The following DCAF1 variants were observed in gnomAD, a reference collection of about 807,000 sequenced individuals.
DCAF1 encodes the protein DDB1- and CUL4-associated factor 1.
A neutral mutation model predicts 128.0 loss-of-function variants in DCAF1; 15 were observed. The observed-to-expected ratio is 0.12, with a 90% CI of 0.08 to 0.18. The LOEUF (loss-of-function observed/expected upper bound fraction) is 0.18, where lower values mean the gene tolerates loss of function less well. Among genes scored for constraint, DCAF1 ranks in the 10% least tolerant of loss-of-function variants. The probability of loss-of-function intolerance (pLI) is 1.00; values close to 1 mark genes in which losing one functional copy is unlikely to be tolerated. For missense variants in DCAF1, 988 were observed against 1,649.5 expected, an observed-to-expected ratio of 0.60 and a Z score of 6.95; for synonymous variants, 610 against 603.0, an observed-to-expected ratio of 1.01 and a Z score of -0.17.
At chr3:51,427,727 G>A (rs185121306) in intron 12 of DCAF1, among the ~76,000 whole-genome samples, 186 bp from the exon 13 acceptor site, 4 of 152,224 alleles carry the variant, frequency 2.6e-5, no homozygotes, top group Non-Finnish European at 4.4e-5. Flanking sequence ...CAATCTCCCA[G>A]GCTCAAGCTG....
At chr3:51,500,116 GAAAAAAAAAAAAAAAAAAAAAAA>G (rs55767863), upstream of DCAF1, 107 of 27,858 alleles carry the variant, frequency 3.8e-3, 1 homozygote, top group South Asian at 0.027. Context: ...CACGATCGGG[GAAAAAAAAAAAAAAAAAAAAAAA>G]AAAAAAAAAA....
intron 2 of DCAF1, among the ~76,000 whole-genome samples, chr3:51,488,474 G>A (rs921369287): frequency 6.6e-6 from 1 of 151,782 alleles, no homozygotes. Flanking sequence ...TCAGGAGTTC[G>A]AGACCAGCCT....
intron 3 of DCAF1, among the ~76,000 whole-genome samples, chr3:51,471,952 C>A (rs1210546392): frequency 6.6e-6 from 1 of 152,134 alleles, no homozygotes; most frequent in Non-Finnish European, 1.5e-5. Context: ...TGACTCACAT[C>A]ACTTCTCTAA....
chr3:51,494,558 T>G (rs1417250592), intron 2 of DCAF1, among the ~76,000 whole-genome samples: 2 of 152,162 alleles, frequency 1.3e-5, no homozygotes, highest in Non-Finnish European at 2.9e-5. Flanking sequence ...TTACCACAAT[T>G]TTTTAATGAG....
chr3:51,501,004 A>T (rs1217775399), upstream of DCAF1, among the ~76,000 whole-genome samples: 1 of 151,858 alleles, frequency 6.6e-6, no homozygotes, highest in Admixed American at 6.6e-5. Context: ...TTTTGTAGAG[A>T]CGAAGTCCCA....
intron 1 of DCAF1, among the ~76,000 whole-genome samples, chr3:51,498,381 A>G (rs944738428): frequency 6.6e-6 from 1 of 151,322 alleles, no homozygotes; most frequent in African/African-American, 2.4e-5. Flanking sequence ...AAAAAGAAAA[A>G]AAAAAAAAAA....
chr3:51,493,530 C>G (rs1297854605), intron 2 of DCAF1, among the ~76,000 whole-genome samples: 2 of 151,762 alleles, frequency 1.3e-5, no homozygotes, highest in African/African-American at 4.8e-5. Flanking sequence ...AAAGTAGAAA[C>G]AACCCAAAAG....
chr3:51,471,062 A>T, intron 3 of DCAF1, 57 bp from the exon 4 acceptor site: 1 of 1,015,410 alleles, frequency 9.8e-7, no homozygotes. Flanking sequence ...ATGGACCACC[A>T]CTACAACAGT....
intron 3 of DCAF1, 96 bp downstream of exon 3, chr3:51,483,623 G>GTGTGTC (rs1362472598): frequency 7.6e-6 from 6 of 793,174 alleles, no homozygotes; most frequent in African/African-American, 1.7e-5. Flanking sequence ...GTGTGTGTGT[G>GTGTGTC]TGTGTGTGTG....
intron 14 of DCAF1, 85 bp from the exon 15 acceptor site, chr3:51,421,082 C>T: frequency 3.4e-6 from 5 of 1,471,478 alleles, no homozygotes; most frequent in Non-Finnish European, 1.8e-6. Flanking sequence ...ATTTGGTGTT[C>T]TACTCACTTT....
intron 24 of DCAF1, 80 bp from the exon 25 acceptor site, chr3:51,398,907 A>G: frequency 6.6e-7 from 1 of 1,515,436 alleles, no homozygotes. Flanking sequence ...CTGCACTCAC[A>G]TACATTCATG....
At chr3:51,417,238 C>A (rs574112584) in intron 17 of DCAF1, among the ~76,000 whole-genome samples, 1 of 151,924 alleles carries the variant, frequency 6.6e-6, no homozygotes, top group East Asian at 1.9e-4. Context: ...GGCAACATGT[C>A]GAAACCCTAT....
intron 3 of DCAF1, among the ~76,000 whole-genome samples, chr3:51,472,948 G>A (rs1483980123): frequency 1.3e-5 from 2 of 151,140 alleles, no homozygotes; most frequent in African/African-American, 4.9e-5. Flanking sequence ...ATAGGCGTGA[G>A]CCACCACGCC....
rs1247159532 is a variant in DCAF1 at position 51,456,650 on chromosome 3, G to A, written c.375+6464C>T. 2.0e-5 allele frequency among the ~76,000 whole-genome samples: 3 copies of A among 152,290 alleles called. No homozygotes were observed. In the East Asian group the frequency reaches 5.8e-4, roughly 29 times the overall value. On this transcript the variant is annotated intron_variant, in intron 6 of 24. Coordinates refer to ENST00000684031, the MANE Select transcript of DCAF1 (RefSeq NM_001387579.1). ...TCCCTGACCCCCAAGTAGCCTAACT[G>A]GGAGGCACCCCCCAGTAGGGGCGGA... is the stretch of plus-strand genomic sequence containing the variant.
chr3:51,474,248 G>A (rs1017944268), intron 3 of DCAF1, among the ~76,000 whole-genome samples: 2 of 151,978 alleles, frequency 1.3e-5, no homozygotes, highest in Admixed American at 6.6e-5. Flanking sequence ...GAGAAACCCC[G>A]TCTCTGCTAA....
chr3:51,407,145 T>A (rs1553626889), intron 23 of DCAF1, among the ~76,000 whole-genome samples: 2 of 115,550 alleles, frequency 1.7e-5, no homozygotes, highest in Non-Finnish European at 3.2e-5. Context: ...CGAGACAGAG[T>A]GAGACTCCAT....
intron 7 of DCAF1, among the ~76,000 whole-genome samples, chr3:51,443,417 T>C (rs1577162482): frequency 1.3e-5 from 2 of 152,032 alleles, no homozygotes; most frequent in South Asian, 2.1e-4. Context: ...GGTGAAACCC[T>C]GTCTCTACTA....
Position 51,404,897 on chromosome 3 carries a change from A to G in DCAF1, c.4213-1502T>C, listed in dbSNP as rs141798382. Among the ~76,000 whole-genome samples the G allele has an allele frequency of 2.5e-3, 382 of 152,326 alleles. 3 individuals carry two copies. Among genetic ancestry groups the G allele is most frequent in the African/African-American group, 8.5e-3 (353 of 41,576 alleles). On this transcript the variant is annotated intron_variant, in intron 23 of 24. Coordinates refer to ENST00000684031, the MANE Select transcript of DCAF1 (RefSeq NM_001387579.1). ...GAACTATGAGTGTCTGGAGTCAACA[A>G]TGATAAACTGAAACACAGACAGGCT...
rs138978884 is a variant in DCAF1, at chr3:51,476,962, T to G, written c.111-5957A>C. ...TTAGCCGGGCTTGGTGGTGGGCACC[T>G]AATCCCAGCTACTTGGGAGACTGAG... On this transcript the variant is annotated intron_variant, in intron 3 of 24. Transcript: ENST00000684031. Among the ~76,000 whole-genome samples the G allele has an allele frequency of 1.9e-3, 294 of 151,382 alleles. 1 individual carries two copies. The highest frequency in any genetic ancestry group is 6.9e-3 in the South Asian group (33 of 4,790).
Sources: gnomAD v4.1 joint callset for allele counts (sites outside exome capture counted in the v4.1 genomes callset) on GRCh38, gnomAD v4.1.1 for gene constraint, MANE v1.5 for transcripts, NCBI Gene and HGNC (gene_info 2026-07-23, HGNC 2026-07-21) for gene names.